Variants in SNX2 observed in about 807,000 individuals in gnomAD.
SNX2 encodes the protein sorting nexin-2.
A neutral mutation model predicts 69.9 loss-of-function variants in SNX2; 25 were observed. The observed-to-expected ratio is 0.36, with a 90% CI of 0.26 to 0.50. The LOEUF is 0.50. Ranked by LOEUF, SNX2 falls within the 20% of genes least tolerant of loss-of-function variation. SNX2 has a pLI of 0.97. For synonymous variants in SNX2, 229 were observed against 200.4 expected (o/e 1.14, Z -1.20); for missense variants, 551 against 613.3 (o/e 0.90, Z 1.07).
In SNX2 at chr5:122,816,963, A is replaced by C; in HGVS notation, c.847A>C (p.Arg283=). The C allele has an allele frequency of 6.2e-7, 1 of 1,613,778 alleles. No individual in the cohort carries two copies. Among genetic ancestry groups the C allele is most frequent in the Non-Finnish European group, 8.5e-7 (1 of 1,179,752 alleles). ...GGCTCTGAGTGGAGCAGGAATATTG[A>C]GGATGGTGAACAAGGCTGCCGACGC... is the stretch of plus-strand genomic sequence containing the variant. The part of the protein sequence containing the change: ...TQALSGAGIL[R]MVNKAADAVN... Residue 283 remains arginine, a synonymous_variant, in exon 9 of 15, where the codon AGG becomes CGG. Transcript: ENST00000379516.
intron 2 of SNX2, among the ~76,000 whole-genome samples, chr5:122,799,050 T>C (rs1753451838): frequency 6.6e-6 from 1 of 152,202 alleles, no homozygotes; most frequent in South Asian, 2.1e-4. Flanking sequence ...TAGCACAATG[T>C]TATGTAGCCT....
chr5:122,810,644 C>G (rs1180953821), intron 7 of SNX2, among the ~76,000 whole-genome samples: 1 of 152,148 alleles, frequency 6.6e-6, no homozygotes, highest in South Asian at 2.1e-4. Context: ...TTGCATAGTA[C>G]TTACCATACC....
intron 11 of SNX2, among the ~76,000 whole-genome samples, chr5:122,825,019 A>G (rs1203305990): frequency 6.6e-6 from 1 of 152,152 alleles, no homozygotes; most frequent in African/African-American, 2.4e-5. Context: ...CAAAACTAAT[A>G]TTAGAACCAA....
At chr5:122,789,416 C>G (rs976984047) in intron 1 of SNX2, among the ~76,000 whole-genome samples, 14 of 150,844 alleles carry the variant, frequency 9.3e-5, no homozygotes, top group African/African-American at 3.2e-4. Context: ...ACAAGACCGC[C>G]CCACCTTCCC....
chr5:122,829,848 C>T lies in SNX2; in HGVS notation c.*200C>T. On this transcript the variant is annotated 3_prime_UTR_variant, in exon 15 of 15. Transcript: ENST00000379516. ...ATTACAAGCTGCATGTCCTGACCCTCTTTGAATTAAGTGGACTGTGGCATG... is the reference window on the plus strand; with the variant it reads ...ATTACAAGCTGCATGTCCTGACCCTTTTTGAATTAAGTGGACTGTGGCATG... The T allele has an allele frequency of 1.7e-6, 1 of 584,622 alleles. No homozygotes were observed. The allele number at this position is 584,622 out of a possible 1,614,324, so 36.2% of individuals were successfully genotyped here. A position where few individuals can be genotyped will look rare whatever the true frequency, so the allele number is the denominator to read the frequency against.
intron 1 of SNX2, among the ~76,000 whole-genome samples, chr5:122,780,205 G>A (rs1231086744): frequency 3.3e-5 from 5 of 152,128 alleles, no homozygotes; most frequent in Non-Finnish European, 5.9e-5. Flanking sequence ...ACACTAAACC[G>A]GGATCTTTGT....
chr5:122,807,773 A>T (rs970762881), intron 6 of SNX2, among the ~76,000 whole-genome samples: 2 of 152,232 alleles, frequency 1.3e-5, no homozygotes, highest in African/African-American at 2.4e-5. Flanking sequence ...ATAAGTAAAT[A>T]AGAACATGCT....
intron 1 of SNX2, among the ~76,000 whole-genome samples, chr5:122,780,960 G>T (rs1752967786): frequency 6.6e-6 from 1 of 152,122 alleles, no homozygotes; most frequent in Admixed American, 6.5e-5. Context: ...CTATGTTTCA[G>T]AGGGAAAAAT....
chr5:122,798,674 T>G (rs1561454071), intron 2 of SNX2, among the ~76,000 whole-genome samples: 1 of 152,198 alleles, frequency 6.6e-6, no homozygotes, highest in Non-Finnish European at 1.5e-5. Context: ...AGTTGTAGTT[T>G]ACATTATGGC....
intron 7 of SNX2, among the ~76,000 whole-genome samples, chr5:122,814,657 T>G (rs1465278422): frequency 6.6e-6 from 1 of 152,176 alleles, no homozygotes; most frequent in Admixed American, 6.5e-5. Context: ...ACTACATTTA[T>G]TCTAAAGAAA....
In SNX2 at chr5:122,807,248, T is replaced by A. The variant is rs566386089; in HGVS notation, c.644-1029T>A. On this transcript the variant is annotated intron_variant, in intron 6 of 14. Coordinates refer to ENST00000379516, the MANE Select transcript of SNX2 (RefSeq NM_003100.4). ...CTGCACTCCAGCCTAGGTGACAGAG[T>A]GAGACCGTGTTTCGAAAAAGAAAAA... Among the ~76,000 whole-genome samples, 4 of 151,754 alleles carry A rather than the reference T, an allele frequency of 2.6e-5. No homozygotes were observed. The South Asian group carries it at 8.3e-4, about 32-fold the overall frequency.
chr5:122,776,547 C>T (rs951755419), intron 1 of SNX2, among the ~76,000 whole-genome samples: 2 of 152,130 alleles, frequency 1.3e-5, no homozygotes, highest in Non-Finnish European at 2.9e-5. Flanking sequence ...AAAACCAGCA[C>T]CTCCTAAAAT....
chr5:122,792,542 A>G (rs1753266495), intron 1 of SNX2, among the ~76,000 whole-genome samples: 1 of 151,618 alleles, frequency 6.6e-6, no homozygotes, highest in Non-Finnish European at 1.5e-5. Context: ...GGTTACAGTG[A>G]GCCGAGATCG....
rs11748153 is a variant in SNX2, at chr5:122,807,148, C to T, written c.644-1129C>T. On this transcript the variant is annotated intron_variant, in intron 6 of 14. Transcript: ENST00000379516. ...AAAAAATTAGCTGGGTGTGGTGGTGCGTGCTGGTGGTCCCAGCTACTCAGG... is the reference window on the plus strand; with the variant it reads ...AAAAAATTAGCTGGGTGTGGTGGTGTGTGCTGGTGGTCCCAGCTACTCAGG... Among the ~76,000 whole-genome samples the T allele has an allele frequency of 6.0e-3, 912 of 151,842 alleles. 20 individuals carry two copies. Among genetic ancestry groups the T allele is most frequent in the Non-Finnish European group, 5.6e-3 (381 of 67,952 alleles).
intron 11 of SNX2, among the ~76,000 whole-genome samples, chr5:122,821,224 A>T (rs1754014015): frequency 6.6e-6 from 1 of 152,184 alleles, no homozygotes. Context: ...CAGAACTAAG[A>T]CCTGTAGTCT....
chr5:122,827,335 CT>C (rs772622695), intron 12 of SNX2, 43 bp from the exon 13 acceptor site: 230 of 1,524,378 alleles, frequency 1.5e-4, no homozygotes, highest in African/African-American at 1.8e-4. Context: ...CAGTACTATA[CT>C]TTTTTTTGAG....
chr5:122,782,558 T>C (rs1053290627), intron 1 of SNX2, among the ~76,000 whole-genome samples: 16 of 150,372 alleles, frequency 1.1e-4, no homozygotes, highest in South Asian at 2.1e-4. Flanking sequence ...TTATTTGAGA[T>C]GGAGTCTCAC....
intron 7 of SNX2, among the ~76,000 whole-genome samples, chr5:122,810,273 G>A (rs557973238): frequency 3.3e-5 from 5 of 150,210 alleles, no homozygotes; most frequent in South Asian, 4.3e-4. Context: ...GCGGAAGGCC[G>A]CAGGGTCCTC....
At chr5:122,782,392 C>G (rs1180520949) in intron 1 of SNX2, among the ~76,000 whole-genome samples, 2 of 151,856 alleles carry the variant, frequency 1.3e-5, no homozygotes, top group Non-Finnish European at 2.9e-5. Context: ...GCACCTACCC[C>G]CACGCCCAGC....
Sources: allele counts gnomAD v4.1 joint callset (sites outside exome capture counted in the v4.1 genomes callset), GRCh38; gene constraint gnomAD v4.1.1; transcripts MANE v1.5; gene names NCBI Gene and HGNC (gene_info 2026-07-23, HGNC 2026-07-21).